Variants in VPS13B observed in about 807,000 individuals in gnomAD.
VPS13B encodes vacuolar protein sorting 13 homolog B.
In VPS13B, 285 loss-of-function variants were observed where a neutral mutation model predicts 426.4. The ratio of observed to expected loss-of-function variants is 0.67; its 90% CI spans 0.61 to 0.74. The LOEUF (loss-of-function observed/expected upper bound fraction) is 0.74. Ranked by LOEUF, VPS13B falls within the 30% of genes least tolerant of loss-of-function variation. VPS13B has a pLI of 0.00. For missense variants in VPS13B, 4,537 were observed against 4,782.6 expected (o/e 0.95, Z 1.51); for synonymous variants, 1,676 against 1,676.4 (o/e 1.00, Z 0.01).
intron 4 of VPS13B, among the ~76,000 whole-genome samples, chr8:99,100,318 T>G (rs1249867966): frequency 6.6e-6 from 1 of 152,208 alleles, no homozygotes; most frequent in African/African-American, 2.4e-5. Context: ...GAGACACGGT[T>G]TCACTCCTGT....
At chr8:99,707,770 C>A (rs774372714) in intron 36 of VPS13B, among the ~76,000 whole-genome samples, 3 of 152,158 alleles carry the variant, frequency 2.0e-5, no homozygotes, top group Non-Finnish European at 4.4e-5. Flanking sequence ...TCTTAACTCC[C>A]TCATTGAGTA....
intron 19 of VPS13B, among the ~76,000 whole-genome samples, chr8:99,277,789 T>C (rs1345127281): frequency 6.6e-6 from 1 of 152,230 alleles, no homozygotes; most frequent in African/African-American, 2.4e-5. Flanking sequence ...TTATGCTTCA[T>C]TTGGGCAGGA....
intron 3 of VPS13B, among the ~76,000 whole-genome samples, chr8:99,065,425 C>T (rs950929553): frequency 3.9e-5 from 6 of 152,182 alleles, no homozygotes; most frequent in Admixed American, 6.5e-5. Flanking sequence ...ATGATCGTCT[C>T]AATGGATGCA....
intron 54 of VPS13B, among the ~76,000 whole-genome samples, chr8:99,841,644 G>T (rs1483888849): frequency 6.6e-6 from 1 of 152,122 alleles, no homozygotes; most frequent in Non-Finnish European, 1.5e-5. Flanking sequence ...GGACTGTGTG[G>T]TTTCCCAGCC....
intron 43 of VPS13B, among the ~76,000 whole-genome samples, chr8:99,806,418 C>G (rs1158342861): frequency 6.6e-6 from 1 of 152,154 alleles, no homozygotes; most frequent in Non-Finnish European, 1.5e-5. Context: ...TTTTCTTAAT[C>G]ACAGCAACCT....
At chr8:99,214,762 A>T (rs554124382) in intron 17 of VPS13B, among the ~76,000 whole-genome samples, 20 of 152,036 alleles carry the variant, frequency 1.3e-4, no homozygotes, top group African/African-American at 4.1e-4. Flanking sequence ...CATCCAATCT[A>T]TTGTCTATTT....
Position 99,121,342 on chromosome 8 carries a change from G to A in VPS13B, c.1103G>A (p.Gly368Glu). Reference sequence around the variant, plus strand: ...GACGATGGCGAGGAAGACTTTGTTGGGAACGATCCTGCATCAACCATGCAT... The same window carrying A: ...GACGATGGCGAGGAAGACTTTGTTGAGAACGATCCTGCATCAACCATGCAT... ...SYDDGEEDFV[G>E]NDPASTMHQQ... Residue 368 changes from glycine (G) to glutamate (E), a missense_variant, in exon 8 of 62, where the codon GGG (glycine) becomes GAG (glutamate). Physicochemically the swap from Gly to Glu is moderately conservative, Grantham distance 98 (BLOSUM62 -2). Transcript: ENST00000357162. 1 of 1,614,116 alleles carries A rather than the reference G, an allele frequency of 6.2e-7. No homozygotes were observed. The highest frequency in any genetic ancestry group is 8.5e-7 in the Non-Finnish European group (1 of 1,180,018).
At chr8:99,744,520 C>A (rs1416313601) in intron 39 of VPS13B, among the ~76,000 whole-genome samples, 1 of 152,104 alleles carries the variant, frequency 6.6e-6, no homozygotes, top group Non-Finnish European at 1.5e-5. Flanking sequence ...CACATGCACA[C>A]GTATATTTAT....
chr8:99,278,341 A>G (rs558844838), intron 19 of VPS13B, among the ~76,000 whole-genome samples: 23 of 152,302 alleles, frequency 1.5e-4, no homozygotes, highest in South Asian at 8.3e-4. Flanking sequence ...ATGTGAGGGA[A>G]TGGACAGCTT....
chr8:99,392,423 A>C (rs879232424), intron 21 of VPS13B, among the ~76,000 whole-genome samples: 59 of 152,046 alleles, frequency 3.9e-4, no homozygotes, highest in Admixed American at 2.4e-3. Flanking sequence ...AATTTTTATG[A>C]TGATTGGCTA....
At chr8:99,156,846 CTAAA>C in intron 15 of VPS13B, 103 bp downstream of exon 15, 4 of 1,069,584 alleles carry the variant, frequency 3.7e-6, no homozygotes, top group Non-Finnish European at 5.6e-6. Context: ...AAATAGTACT[CTAAA>C]AGGTAAGATT....
At chr8:99,813,725 G>A (rs1813861360) in intron 44 of VPS13B, among the ~76,000 whole-genome samples, 2 of 152,158 alleles carry the variant, frequency 1.3e-5, no homozygotes, top group South Asian at 4.1e-4. Context: ...ATTCAAATAA[G>A]CAGATAGTTG....
At chr8:99,186,298 T>TA (rs1388424652) in intron 16 of VPS13B, among the ~76,000 whole-genome samples, 1 of 152,122 alleles carries the variant, frequency 6.6e-6, no homozygotes, top group South Asian at 2.1e-4. Context: ...TAAAGTTTAA[T>TA]AAATATGTAG....
chr8:99,551,344 T>G (rs1383889036), intron 30 of VPS13B, among the ~76,000 whole-genome samples: 1 of 152,056 alleles, frequency 6.6e-6, no homozygotes, highest in Non-Finnish European at 1.5e-5. Context: ...TTAGTATATA[T>G]TTTTGCATAT....
chr8:99,236,418 T>G (rs905677259), intron 17 of VPS13B, among the ~76,000 whole-genome samples: 2 of 152,092 alleles, frequency 1.3e-5, no homozygotes, highest in Non-Finnish European at 2.9e-5. Context: ...CCTGGCTAAT[T>G]TTTGTATTTT....
chr8:99,477,930 A>T (rs1041410622), intron 24 of VPS13B, among the ~76,000 whole-genome samples: 2 of 152,102 alleles, frequency 1.3e-5, no homozygotes, highest in Non-Finnish European at 2.9e-5. Context: ...TAATGTCTTT[A>T]GACACCAGTA....
chr8:99,138,716 G>T (rs1381472122), intron 12 of VPS13B, among the ~76,000 whole-genome samples: 3 of 152,184 alleles, frequency 2.0e-5, no homozygotes, highest in African/African-American at 7.2e-5. Flanking sequence ...ATATATGAAA[G>T]TGCAACTCAG....
At chr8:99,079,823 G>A (rs1485106751) in intron 3 of VPS13B, among the ~76,000 whole-genome samples, 1 of 151,524 alleles carries the variant, frequency 6.6e-6, no homozygotes, top group African/African-American at 2.4e-5. Context: ...TTTCCGGGAG[G>A]CTGAGGCAGG....
intron 17 of VPS13B, among the ~76,000 whole-genome samples, chr8:99,207,926 G>A (rs1376112811): frequency 6.6e-6 from 1 of 152,170 alleles, no homozygotes; most frequent in Non-Finnish European, 1.5e-5. Context: ...AGTAATGAAT[G>A]TAGAATCTTC....
Sources: allele counts gnomAD v4.1 joint callset (sites outside exome capture counted in the v4.1 genomes callset), GRCh38; gene constraint gnomAD v4.1.1; transcripts MANE v1.5; gene names NCBI Gene and HGNC (gene_info 2026-07-23, HGNC 2026-07-21).